The following TUSC3 variants were observed in gnomAD, a reference collection of about 807,000 sequenced individuals.
TUSC3 encodes dolichyl-diphosphooligosaccharide--protein glycosyltransferase subunit TUSC3.
A neutral mutation model predicts 44.8 loss-of-function variants in TUSC3; 45 were observed. The ratio of observed to expected loss-of-function variants is 1.00; its 90% CI spans 0.79 to 1.29. TUSC3 has a LOEUF of 1.29. TUSC3 is among the 50% of genes most tolerant of loss of function. TUSC3 has a pLI of 0.00. For missense variants in TUSC3, 519 were observed against 437.9 expected (o/e 1.19, Z -1.65); for synonymous variants, 212 against 152.9 (o/e 1.39, Z -2.85).
chr8:15,567,838 C>T (rs1008065591), intron 1 of TUSC3, among the ~76,000 whole-genome samples: 7 of 152,120 alleles, frequency 4.6e-5, no homozygotes, highest in Non-Finnish European at 8.8e-5. Context: ...TGGCATATGC[C>T]GAACTAAAAA....
intron 2 of TUSC3, among the ~76,000 whole-genome samples, chr8:15,531,285 C>G (rs926211898): frequency 5.3e-5 from 8 of 152,154 alleles, no homozygotes; most frequent in Admixed American, 5.2e-4. Flanking sequence ...TTTAGAGACA[C>G]AGTCTTGCTC....
At chr8:15,526,028 T>C (rs910430714) in intron 2 of TUSC3, among the ~76,000 whole-genome samples, 5 of 151,644 alleles carry the variant, frequency 3.3e-5, no homozygotes, top group African/African-American at 1.2e-4. Flanking sequence ...ATTCCACTTG[T>C]GGGAGATTCA....
upstream of TUSC3, among the ~76,000 whole-genome samples, chr8:15,536,860 C>A (rs1458697661): frequency 6.6e-6 from 1 of 151,918 alleles, no homozygotes; most frequent in African/African-American, 2.4e-5. Flanking sequence ...TCATGCCCTA[C>A]AAACCATAAA....
chr8:15,539,345 C>CTTTTTTTTTTT (rs35685582), upstream of TUSC3, among the ~76,000 whole-genome samples: 24 of 69,398 alleles, frequency 3.5e-4, no homozygotes, highest in African/African-American at 4.9e-4. Flanking sequence ...TGCTATGGTT[C>CTTTTTTTTTTT]TTTTTTTTTT....
chr8:15,567,854 A>G (rs1802732830), intron 1 of TUSC3, among the ~76,000 whole-genome samples: 1 of 152,188 alleles, frequency 6.6e-6, no homozygotes, highest in Non-Finnish European at 1.5e-5. Context: ...AAAAAGCACT[A>G]AAAAATTACT....
chr8:15,782,090 G>A, the TUSC3 span, among the ~76,000 whole-genome samples: 7 of 152,184 alleles, frequency 4.6e-5, no homozygotes, highest in Non-Finnish European at 8.8e-5. Context: ...AGCCGAGATC[G>A]TGCCACTGCA....
chr8:15,504,606 T>G (rs1277746132), intron 2 of TUSC3, among the ~76,000 whole-genome samples: 2 of 35,334 alleles, frequency 5.7e-5, no homozygotes, highest in Non-Finnish European at 1.0e-4. Flanking sequence ...TATATATATA[T>G]ATATATATAT....
chr8:15,776,620 T>A, the TUSC3 span, among the ~76,000 whole-genome samples: 1 of 152,180 alleles, frequency 6.6e-6, no homozygotes, highest in Non-Finnish European at 1.5e-5. Flanking sequence ...CTGTGCTAGA[T>A]CCTCGAATCA....
intron 3 of TUSC3, among the ~76,000 whole-genome samples, chr8:15,658,635 T>TACACACACACACAC (rs1210424677): frequency 4.0e-4 from 46 of 114,310 alleles, no homozygotes; most frequent in Middle Eastern, 4.3e-3. Flanking sequence ...TATACACATA[T>TACACACACACACAC]ATATACACAC....
At chr8:15,742,334 T>C (rs352760) in intron 7 of TUSC3, among the ~76,000 whole-genome samples, 101,622 of 151,382 alleles carry the variant, frequency 0.67, 34,363 homozygotes, top group Non-Finnish European at 0.72. Context: ...TACAATAGTT[T>C]GAAAAACCGT....
chr8:15,697,903 T>C (rs1809239481), intron 6 of TUSC3, among the ~76,000 whole-genome samples: 1 of 152,214 alleles, frequency 6.6e-6, no homozygotes, highest in African/African-American at 2.4e-5. Flanking sequence ...CAGTATTTAG[T>C]CTAGTTAATA....
the TUSC3 span, among the ~76,000 whole-genome samples, chr8:15,798,814 CA>C: frequency 6.6e-6 from 1 of 152,160 alleles, no homozygotes; most frequent in Admixed American, 6.5e-5. Flanking sequence ...GGGACACCTG[CA>C]ACTCTATTTC....
chr8:15,575,798 C>G (rs896775068), intron 1 of TUSC3, among the ~76,000 whole-genome samples: 12 of 151,966 alleles, frequency 7.9e-5, no homozygotes, highest in African/African-American at 2.9e-4. Flanking sequence ...CTGAGATGTA[C>G]TTTTGCAAAT....
chr8:15,549,423 C>T (rs1337681720), intron 1 of TUSC3, among the ~76,000 whole-genome samples: 2 of 151,622 alleles, frequency 1.3e-5, no homozygotes, highest in East Asian at 2.0e-4. Context: ...CTGCCCGCCT[C>T]GGCCTCCCAA....
chr8:15,584,894 C>G (rs979203610), intron 1 of TUSC3, among the ~76,000 whole-genome samples: 3 of 152,068 alleles, frequency 2.0e-5, no homozygotes, highest in African/African-American at 7.2e-5. Context: ...TTTGAGAGAT[C>G]TGAAATACTA....
intron 1 of TUSC3, among the ~76,000 whole-genome samples, chr8:15,448,872 G>A (rs1271072039): frequency 6.6e-6 from 1 of 152,102 alleles, no homozygotes; most frequent in Admixed American, 6.5e-5. Context: ...CATAGTAGAG[G>A]TGAAAAATTT....
At chr8:15,689,024 C>T (rs984172449) in intron 6 of TUSC3, 3 of 262,104 alleles carry the variant, frequency 1.1e-5, no homozygotes, top group Non-Finnish European at 2.3e-5. Flanking sequence ...CCACCTGTTA[C>T]CACCCAGTGC....
chr8:15,781,279 ACC>A, the TUSC3 span, among the ~76,000 whole-genome samples: 2 of 152,128 alleles, frequency 1.3e-5, no homozygotes. Context: ...AGGAAGTGGA[ACC>A]CCAACCTTTC....
chr8:15,720,223 CACACACACACAG>C (rs914690398), intron 6 of TUSC3, among the ~76,000 whole-genome samples: 3 of 149,884 alleles, frequency 2.0e-5, no homozygotes, highest in Admixed American at 1.3e-4. Context: ...CACACACACA[CACACACACACAG>C]AGAGAACATT....
Sources: allele counts gnomAD v4.1 joint callset (sites outside exome capture counted in the v4.1 genomes callset), GRCh38; gene constraint gnomAD v4.1.1; transcripts MANE v1.5; gene names NCBI Gene and HGNC (gene_info 2026-07-23, HGNC 2026-07-21).